Variants in RPS6KA3 observed in about 807,000 individuals in gnomAD.
RPS6KA3 encodes ribosomal protein S6 kinase A3, also known as ribosomal protein S6 kinase alpha-3.
In RPS6KA3, 4 loss-of-function variants were observed where a neutral mutation model predicts 67.2. The ratio of observed to expected loss-of-function variants is 0.06; its 90% CI spans 0.03 to 0.14. RPS6KA3 has a LOEUF of 0.14. Ranked by LOEUF, RPS6KA3 falls within the 10% of genes least tolerant of loss-of-function variation. The pLI, the probability that RPS6KA3 is intolerant of heterozygous loss-of-function variation, is 1.00. For missense variants in RPS6KA3, 204 were observed against 559.0 expected, an observed-to-expected ratio of 0.36 and a Z score of 6.40; for synonymous variants, 182 against 183.7, an observed-to-expected ratio of 0.99 and a Z score of 0.07.
intron 2 of RPS6KA3, among the ~76,000 whole-genome samples, chrX:20,211,560 A>G (rs1366641709): frequency 9.0e-6 from 1 of 110,951 alleles, no homozygotes; most frequent in Admixed American, 9.6e-5. Context: ...CAAAAAAAAA[A>G]AACCAAAACA....
intron 1 of RPS6KA3, among the ~76,000 whole-genome samples, chrX:20,246,122 G>GAAAA (rs5901672): frequency 7.6e-5 from 4 of 52,837 alleles, no homozygotes; most frequent in African/African-American, 1.2e-4. Flanking sequence ...TCTCGGAAAA[G>GAAAA]AAAAAAAAAA....
Position 20,231,909 on chromosome X carries a change from T to C in RPS6KA3, c.126+2849A>G, listed in dbSNP as rs144870411. Among the ~76,000 whole-genome samples, 634 of 111,721 alleles carry C rather than the reference T, an allele frequency of 5.7e-3. 8 individuals are homozygous for C. Among genetic ancestry groups the C allele is most frequent in the African/African-American group, 0.019 (575 of 30,760 alleles). On this transcript the variant is annotated intron_variant, in intron 2 of 21. Coordinates refer to ENST00000379565, the MANE Select transcript of RPS6KA3 (RefSeq NM_004586.3). ...AACAAAGGAACCTCCCCGAGAGCCATCTGTTGTTTTAAACCACCCAGTTTG... is the reference window on the plus strand; with the variant it reads ...AACAAAGGAACCTCCCCGAGAGCCACCTGTTGTTTTAAACCACCCAGTTTG...
At chrX:20,245,015 CATTT>C (rs1210365004) in intron 1 of RPS6KA3, among the ~76,000 whole-genome samples, 1 of 111,960 alleles carries the variant, frequency 8.9e-6, no homozygotes, top group Non-Finnish European at 1.9e-5. Flanking sequence ...CTTGCCACTA[CATTT>C]ATTTCTAAAA....
At chrX:20,240,285 C>CTTTT (rs778713587) in intron 1 of RPS6KA3, among the ~76,000 whole-genome samples, 9 of 54,385 alleles carry the variant, frequency 1.7e-4, no homozygotes, top group Admixed American at 6.7e-4. Flanking sequence ...AAGGACCATA[C>CTTTT]TTTTTTTTTT....
intron 1 of RPS6KA3, among the ~76,000 whole-genome samples, chrX:20,236,117 A>G (rs1164609249): frequency 9.0e-6 from 1 of 111,389 alleles, no homozygotes; most frequent in Non-Finnish European, 1.9e-5. Flanking sequence ...TCCAATGTAT[A>G]TATTTTTATG....
At chrX:20,240,192 T>C (rs1489010476) in intron 1 of RPS6KA3, among the ~76,000 whole-genome samples, 1 of 105,536 alleles carries the variant, frequency 9.5e-6, no homozygotes, top group Non-Finnish European at 1.9e-5. Context: ...AGTAACAATC[T>C]GAAATAACAG....
chrX:20,160,692 G>A (rs945775826), intron 20 of RPS6KA3, among the ~76,000 whole-genome samples: 1 of 111,835 alleles, frequency 8.9e-6, no homozygotes, highest in Non-Finnish European at 1.9e-5. Flanking sequence ...GCCTCCCAAA[G>A]TGTTAGGATT....
At chrX:20,174,326 A>G (rs1353581906) in intron 14 of RPS6KA3, among the ~76,000 whole-genome samples, 3 of 105,517 alleles carry the variant, frequency 2.8e-5, no homozygotes, top group Non-Finnish European at 5.8e-5. Flanking sequence ...GTTTATCTCA[A>G]CTCTTTTAAA....
intron 3 of RPS6KA3, among the ~76,000 whole-genome samples, chrX:20,206,443 A>G (rs754504881): frequency 2.7e-5 from 3 of 111,738 alleles, no homozygotes; most frequent in East Asian, 5.6e-4. Context: ...TTAATACCAG[A>G]TATTATATGC....
intron 2 of RPS6KA3, among the ~76,000 whole-genome samples, chrX:20,225,228 A>AG (rs2069081208): frequency 1.2e-5 from 1 of 84,778 alleles, no homozygotes; most frequent in African/African-American, 4.6e-5. Flanking sequence ...TAAAAAGGGG[A>AG]GGTTTTTTTT....
At chrX:20,182,038 C>G (rs1358806465) in intron 10 of RPS6KA3, among the ~76,000 whole-genome samples, 1 of 111,555 alleles carries the variant, frequency 9.0e-6, no homozygotes, top group Non-Finnish European at 1.9e-5. Flanking sequence ...TTATGTAGCA[C>G]ATCTTTTTAG....
At chrX:20,174,994 TCCAACTGCCTTGGCCTCC>T (rs917374459) in intron 14 of RPS6KA3, among the ~76,000 whole-genome samples, 152 bp downstream of exon 14, 2 of 111,960 alleles carry the variant, frequency 1.8e-5, no homozygotes, top group African/African-American at 6.5e-5. Context: ...CCTCAAGTGA[TCCAACTGCCTTGGCCTCC>T]CAAAGTGCTG....
chrX:20,185,561 A>AT (rs1320584430), intron 10 of RPS6KA3, among the ~76,000 whole-genome samples: 2 of 110,577 alleles, frequency 1.8e-5, no homozygotes, highest in Non-Finnish European at 3.8e-5. Flanking sequence ...TAATTTTTGC[A>AT]TTTTTTTGTA....
chrX:20,265,621 T>A (rs1230244783), intron 1 of RPS6KA3: 1 of 111,733 alleles, frequency 8.9e-6, no homozygotes, highest in Non-Finnish European at 1.9e-5. Context: ...AGGAATTGAT[T>A]TTCCACTCCG....
chrX:20,254,681 G>A (rs892470571), intron 1 of RPS6KA3, among the ~76,000 whole-genome samples: 1 of 111,984 alleles, frequency 8.9e-6, no homozygotes, highest in African/African-American at 3.2e-5. Context: ...TCCCTAAAAC[G>A]GTAACAAAAT....
intron 2 of RPS6KA3, among the ~76,000 whole-genome samples, chrX:20,228,701 T>C (rs1159719424): frequency 9.0e-6 from 1 of 111,586 alleles, no homozygotes; most frequent in African/African-American, 3.3e-5. Context: ...TCTGAGGCTC[T>C]GGGGGCCTTG....
chrX:20,168,976 C>T (rs1229341074), intron 16 of RPS6KA3, among the ~76,000 whole-genome samples: 1 of 111,080 alleles, frequency 9.0e-6, no homozygotes, highest in Non-Finnish European at 1.9e-5. Context: ...CCTCAGCCTC[C>T]AGAGTAGCTG....
intron 2 of RPS6KA3, among the ~76,000 whole-genome samples, chrX:20,232,433 C>T (rs765569899): frequency 2.7e-5 from 3 of 111,065 alleles, no homozygotes; most frequent in Admixed American, 1.9e-4. Flanking sequence ...ATTAGCCAGG[C>T]GTGGTGGCGC....
intron 1 of RPS6KA3, among the ~76,000 whole-genome samples, chrX:20,248,302 A>G (rs761894224): frequency 1.8e-5 from 2 of 112,261 alleles, no homozygotes; most frequent in South Asian, 7.3e-4. Flanking sequence ...GTAAAATAGA[A>G]GTGAAAATAG....
Sources: allele counts gnomAD v4.1 joint callset (sites outside exome capture counted in the v4.1 genomes callset), GRCh38; gene constraint gnomAD v4.1.1; transcripts MANE v1.5; gene names NCBI Gene and HGNC (gene_info 2026-07-23, HGNC 2026-07-21).